The following MIS18A variants were observed in gnomAD, a reference collection of about 807,000 sequenced individuals.
MIS18A encodes the protein MIS18 kinetochore protein A.
Under a neutral mutation model 25.0 loss-of-function variants are expected in MIS18A, and 14 were observed. The ratio of observed to expected loss-of-function variants is 0.56; its 90% CI spans 0.37 to 0.88. MIS18A has a LOEUF of 0.88. MIS18A is among the 40% of genes least tolerant of loss of function. The pLI, the probability that MIS18A is intolerant of heterozygous loss-of-function variation, is 0.00. For synonymous variants in MIS18A, 134 were observed against 118.6 expected (o/e 1.13, Z -0.84); for missense variants, 292 against 290.8 (o/e 1.00, Z -0.03).
the MIS18A span, among the ~76,000 whole-genome samples, chr21:32,199,946 T>C: frequency 6.6e-6 from 1 of 152,272 alleles, no homozygotes; most frequent in African/African-American, 2.4e-5. Context: ...GTTACAAAAG[T>C]GTGTTTCAAG....
At chr21:32,171,378 A>G in the MIS18A span, among the ~76,000 whole-genome samples, 18 of 152,120 alleles carry the variant, frequency 1.2e-4, no homozygotes, top group Admixed American at 1.1e-3. Flanking sequence ...AACATTTTAT[A>G]AACAATTCTA....
chr21:32,177,825 G>A, the MIS18A span, among the ~76,000 whole-genome samples: 50 of 152,140 alleles, frequency 3.3e-4, no homozygotes, highest in Middle Eastern at 3.4e-3. Context: ...AATGGAAAGA[G>A]TCAATATTAT....
chr21:32,255,324 G>A, the MIS18A span, among the ~76,000 whole-genome samples: 4 of 151,598 alleles, frequency 2.6e-5, no homozygotes, highest in Non-Finnish European at 4.4e-5. Flanking sequence ...TCCGCCTTCC[G>A]GGTTCAAGTG....
chr21:32,220,483 A>G, the MIS18A span, among the ~76,000 whole-genome samples: 3 of 152,338 alleles, frequency 2.0e-5, no homozygotes, highest in East Asian at 5.8e-4. Context: ...GGTCACCAAC[A>G]TCAAAGATCA....
the MIS18A span, among the ~76,000 whole-genome samples, chr21:32,226,280 TA>T: frequency 1.1e-4 from 14 of 131,502 alleles, no homozygotes; most frequent in South Asian, 2.6e-4. Flanking sequence ...TAAAGTATAA[TA>T]AAAAAAAAAG....
At chr21:32,242,517 T>C in the MIS18A span, among the ~76,000 whole-genome samples, 1 of 152,216 alleles carries the variant, frequency 6.6e-6, no homozygotes, top group African/African-American at 2.4e-5. Flanking sequence ...AGAAAAAGTT[T>C]TTGAGTGCTG....
chr21:32,193,524 ATAGATC>A, the MIS18A span, among the ~76,000 whole-genome samples: 6 of 152,098 alleles, frequency 3.9e-5, no homozygotes, highest in African/African-American at 9.6e-5. Context: ...AGATAGATGG[ATAGATC>A]GATCGATCTA....
the MIS18A span, among the ~76,000 whole-genome samples, chr21:32,188,795 G>C: frequency 1.3e-4 from 20 of 152,144 alleles, no homozygotes; most frequent in South Asian, 3.7e-3. Context: ...TCAGAGATGG[G>C]GTGTCCACTG....
the MIS18A span, among the ~76,000 whole-genome samples, chr21:32,257,120 C>T: frequency 6.6e-6 from 1 of 152,166 alleles, no homozygotes; most frequent in South Asian, 2.1e-4. Context: ...CCAAAGCTGA[C>T]TCACTTAAGT....
the MIS18A span, among the ~76,000 whole-genome samples, chr21:32,258,834 T>TTTTATTTATTTATTTA: frequency 7.1e-6 from 1 of 140,804 alleles, no homozygotes; most frequent in Non-Finnish European, 1.5e-5. Flanking sequence ...AGGGTCTGCA[T>TTTTATTTATTTATTTA]TTTATTTATT....
chr21:32,162,554 T>C, the MIS18A span, among the ~76,000 whole-genome samples: 5 of 152,190 alleles, frequency 3.3e-5, no homozygotes, highest in Non-Finnish European at 7.3e-5. Flanking sequence ...TAGTTCATAG[T>C]GCATGCCACT....
the MIS18A span, among the ~76,000 whole-genome samples, chr21:32,253,140 A>G: frequency 6.6e-6 from 1 of 151,522 alleles, no homozygotes; most frequent in Non-Finnish European, 1.5e-5. Flanking sequence ...TCCATAGAAC[A>G]CCATGCAGAT....
chr21:32,231,269 G>A, the MIS18A span, among the ~76,000 whole-genome samples: 1 of 149,636 alleles, frequency 6.7e-6, no homozygotes, highest in Non-Finnish European at 1.5e-5. Context: ...CCACAAAATG[G>A]GGGAAAGTTA....
At chr21:32,229,469 C>T in the MIS18A span, among the ~76,000 whole-genome samples, 1 of 151,982 alleles carries the variant, frequency 6.6e-6, no homozygotes, top group Non-Finnish European at 1.5e-5. Context: ...AGGCTTTGCA[C>T]TTCAAAGCCT....
the MIS18A span, among the ~76,000 whole-genome samples, chr21:32,199,991 G>A: frequency 6.6e-6 from 1 of 152,228 alleles, no homozygotes; most frequent in Non-Finnish European, 1.5e-5. Context: ...TTGCAGCAAG[G>A]CGGGAATAGG....
chr21:32,204,463 C>T, the MIS18A span, among the ~76,000 whole-genome samples: 2 of 151,664 alleles, frequency 1.3e-5, no homozygotes, highest in African/African-American at 4.8e-5. Flanking sequence ...CGCCACCGCA[C>T]TCCAGCCTGG....
the MIS18A span, among the ~76,000 whole-genome samples, chr21:32,247,626 G>A: frequency 5.3e-5 from 8 of 152,324 alleles, no homozygotes; most frequent in South Asian, 8.3e-4. Context: ...AAATGAGGCC[G>A]TTAGGGTAGG....
intron 2 of MIS18A, among the ~76,000 whole-genome samples, chr21:32,272,365 A>C (rs544113002): frequency 1.3e-5 from 2 of 152,312 alleles, no homozygotes; most frequent in Admixed American, 1.3e-4. Context: ...AAGCATCCCA[A>C]AGCAACACGG....
At chr21:32,250,856 G>T in the MIS18A span, among the ~76,000 whole-genome samples, 2 of 152,196 alleles carry the variant, frequency 1.3e-5, no homozygotes, top group African/African-American at 2.4e-5. Context: ...GATATGGTTT[G>T]GCTGTGCCCC....
Sources: allele counts gnomAD v4.1 joint callset (sites outside exome capture counted in the v4.1 genomes callset), GRCh38; gene constraint gnomAD v4.1.1; transcripts MANE v1.5; gene names NCBI Gene and HGNC (gene_info 2026-07-23, HGNC 2026-07-21).